The following PPP1R37 variants were observed in gnomAD, a reference collection of about 807,000 sequenced individuals.
The protein encoded by PPP1R37 is protein phosphatase 1 regulatory subunit 37, also known as leucine rich repeat containing 68.
PPP1R37 carries 21 observed loss-of-function variants against 61.0 expected under a neutral mutation model. That is an observed-to-expected ratio of 0.34 (90% CI 0.24 to 0.50). The LOEUF (loss-of-function observed/expected upper bound fraction) is 0.50. Among genes scored for constraint, PPP1R37 ranks in the 20% least tolerant of loss-of-function variants. PPP1R37 has a pLI of 0.98. For missense variants in PPP1R37, 910 were observed against 952.7 expected, an observed-to-expected ratio of 0.96 and a Z score of 0.59; for synonymous variants, 443 against 433.5, an observed-to-expected ratio of 1.02 and a Z score of -0.27.
At chr19:45,095,987 A>C (rs1216415306) in intron 1 of PPP1R37, among the ~76,000 whole-genome samples, 1 of 152,148 alleles carries the variant, frequency 6.6e-6, no homozygotes, top group Admixed American at 6.5e-5. Context: ...CGGGCTGGTT[A>C]CCTAACTCCT....
chr19:45,144,523 C>A, intron 8 of PPP1R37: 2 of 339,042 alleles, frequency 5.9e-6, no homozygotes, highest in Non-Finnish European at 1.1e-5. Context: ...TGTGCTCAAA[C>A]CCCGGGATAA....
At chr19:45,107,495 C>CATG (rs1345919661) in intron 1 of PPP1R37, among the ~76,000 whole-genome samples, 8 of 152,016 alleles carry the variant, frequency 5.3e-5, no homozygotes, top group Admixed American at 2.6e-4. Flanking sequence ...TCCCAGCTAC[C>CATG]TGGGAGGCTA....
intron 1 of PPP1R37, among the ~76,000 whole-genome samples, chr19:45,103,441 G>T (rs1319485654): frequency 6.6e-6 from 1 of 152,218 alleles, no homozygotes; most frequent in African/African-American, 2.4e-5. Context: ...GCTGGCGCTT[G>T]GGACCCGCCG....
chr19:45,133,916 G>A (rs1176548507), intron 1 of PPP1R37, among the ~76,000 whole-genome samples: 2 of 152,252 alleles, frequency 1.3e-5, no homozygotes, highest in Non-Finnish European at 2.9e-5. Context: ...TGCAGATACT[G>A]AGGAACTGGG....
At chr19:45,135,743 C>A (rs895988573) in intron 1 of PPP1R37, among the ~76,000 whole-genome samples, 9 of 148,080 alleles carry the variant, frequency 6.1e-5, no homozygotes, top group African/African-American at 2.0e-4. Context: ...GTGAATTCTT[C>A]TTATGCTTCT....
intron 11 of PPP1R37, 112 bp downstream of exon 11, chr19:45,146,161 C>T (rs1379221106): frequency 1.6e-6 from 2 of 1,220,726 alleles, no homozygotes; most frequent in Non-Finnish European, 2.2e-6. Flanking sequence ...ATGGTTCTCG[C>T]AGGGGCCAGC....
rs541247661 is a variant in PPP1R37, at chr19:45,139,432, G to A, written c.301-804G>A. Among the ~76,000 whole-genome samples the A allele has an allele frequency of 1.9e-3, 292 of 152,294 alleles. 1 individual carries two copies. Among genetic ancestry groups the A allele is most frequent in the Non-Finnish European group, 3.5e-3 (237 of 68,022 alleles). On this transcript the variant is annotated intron_variant, in intron 2 of 12. Transcript: ENST00000221462. ...GTACCTGCTGGTTTTCCATTTGGTC[G>A]CTCTCCCACCCTGCCGGTCCCCCAG...
Position 45,145,347 on chromosome 19 carries a change from C to T in PPP1R37, c.1297-6C>T. 7 of 1,533,066 alleles carry T rather than the reference C, an allele frequency of 4.6e-6. No individual in the cohort carries two copies. Among genetic ancestry groups the T allele is most frequent in the East Asian group, 2.4e-5 (1 of 40,846 alleles). The allele number at this position is 1,533,066 out of a possible 1,614,324, so 95.0% of individuals were successfully genotyped here. A position where few individuals can be genotyped will look rare whatever the true frequency, so the allele number is the denominator to read the frequency against. ...TGAGAGCCCTAGCCAGGCGCTCCCG[C>T]CACAGGTGAAGAGCTTCATCGAGAC... is the stretch of plus-strand genomic sequence containing the variant. On this transcript the variant is annotated splice_region_variant and splice_polypyrimidine_tract_variant and intron_variant, in intron 10 of 12. Transcript: ENST00000221462.
At chr19:45,143,146 T>C (rs926995435) in intron 7 of PPP1R37, 1 of 189,598 alleles carries the variant, frequency 5.3e-6, no homozygotes, top group Non-Finnish European at 1.1e-5. Flanking sequence ...CCTTGGGAGT[T>C]TGTACTCCAG....
In PPP1R37 at chr19:45,141,436, C is replaced by T. The variant is rs1291255404; in HGVS notation, c.562C>T (p.Arg188Cys). 25 of 1,535,104 alleles carry T rather than the reference C, an allele frequency of 1.6e-5. No individual in the cohort carries two copies. The highest frequency in any genetic ancestry group is 2.1e-5 in the Non-Finnish European group (24 of 1,146,588). Reference sequence around the variant, plus strand: ...CTGGCAGGCGGCCGCCCACATGATGCGCAAGGTGGGCGCCTCTCGGCTTCC... The same window carrying T: ...CTGGCAGGCGGCCGCCCACATGATGTGCAAGGTGGGCGCCTCTCGGCTTCC... ...RGWQAAAHMM[R>C]KTSCLQYLDA... The change falls in exon 5 of 13, where the codon CGC becomes TGC. Residue 188 changes from arginine (R) to cysteine (C), a missense_variant. Arg to Cys is a radical substitution (Grantham distance 180, BLOSUM62 -3). This residue lies in a region of PPP1R37 where 280 missense variants were observed against 382.2 expected (regional missense o/e 0.73). Transcript: ENST00000221462.
At position 45,145,660 on chromosome 19, in the gene PPP1R37, C is replaced by T. The variant is rs371836745; in HGVS notation, c.1604C>T (p.Thr535Met). The T allele has an allele frequency of 7.8e-5, 119 of 1,535,206 alleles. 1 individual carries two copies. The East Asian group carries it at 1.0e-3, about 13-fold the overall frequency. ...CCCTGTCCTGCCCTGGTGCCCCCCA[C>T]GGACTCCCTGGGCCCTGGGGACAGG... ...ETPCPALVPPTDSLGPGDRSP... is the reference protein window; with the variant it reads ...ETPCPALVPPMDSLGPGDRSP... The change falls in exon 11 of 13, where the codon ACG becomes ATG. Residue 535 changes from threonine (T) to methionine (M), a missense_variant. Thr to Met is a moderately conservative substitution (Grantham distance 81, BLOSUM62 -1). Coordinates refer to ENST00000221462, the MANE Select transcript of PPP1R37 (RefSeq NM_019121.2).
chr19:45,144,148 G>C (rs1968652031), intron 8 of PPP1R37: 1 of 152,560 alleles, frequency 6.6e-6, no homozygotes, highest in South Asian at 2.1e-4. Flanking sequence ...CGAGTAGTTG[G>C]AACTACAGGC....
Position 45,138,621 on chromosome 19 carries a change from G to T in PPP1R37, c.300+10G>T. 2 of 1,449,654 alleles carry T rather than the reference G, an allele frequency of 1.4e-6. No individual in the cohort carries two copies. The highest frequency in any genetic ancestry group is 2.4e-5 in the South Asian group (2 of 82,258). The allele number at this position is 1,449,654 out of a possible 1,614,324, so 89.8% of individuals were successfully genotyped here. On this transcript the variant is annotated intron_variant, in intron 2 of 12. Transcript: ENST00000221462. ...CCTCAGGCAGCTGCAGGTATGGGCGGGACAGGGTGGGTGCGTCCGGTGTGG... is the reference window on the plus strand; with the variant it reads ...CCTCAGGCAGCTGCAGGTATGGGCGTGACAGGGTGGGTGCGTCCGGTGTGG...
intron 2 of PPP1R37, among the ~76,000 whole-genome samples, chr19:45,139,018 A>G (rs1021243253): frequency 1.4e-5 from 2 of 142,174 alleles, no homozygotes; most frequent in Admixed American, 1.5e-4. Flanking sequence ...GGTTCAAGCG[A>G]TTCTCCTGCC....
chr19:45,129,698 C>T (rs1968452267), intron 1 of PPP1R37, among the ~76,000 whole-genome samples: 1 of 152,172 alleles, frequency 6.6e-6, no homozygotes, highest in African/African-American at 2.4e-5. Context: ...CCCCTGTTCC[C>T]CATGGTCCTA....
chr19:45,119,364 A>G (rs10421085), intron 1 of PPP1R37, among the ~76,000 whole-genome samples: 5,189 of 152,128 alleles, frequency 0.034, 301 homozygotes, highest in African/African-American at 0.12. Context: ...TGTTGGCCCG[A>G]CTGGTGTCGA....
intron 1 of PPP1R37, among the ~76,000 whole-genome samples, chr19:45,133,329 C>T (rs1263317203): frequency 6.6e-6 from 1 of 152,188 alleles, no homozygotes; most frequent in Non-Finnish European, 1.5e-5. Context: ...GATGATCTGC[C>T]CTCCTCAGCC....
At position 45,130,418 on chromosome 19, in the gene PPP1R37, C is replaced by G. The variant is rs1216330379; in HGVS notation, c.203-8096C>G. ...TCACCGTCCCACATCATCCCCAGTG[C>G]TCCCCTCCCGGTGTGCTTTGGCGCC... On this transcript the variant is annotated intron_variant, in intron 1 of 12. Transcript: ENST00000221462. The surrounding 1 kb of genome is among the most constrained non-coding windows in gnomAD (Gnocchi z 4.4). Among the ~76,000 whole-genome samples, 1 of 152,192 alleles carries G rather than the reference C, an allele frequency of 6.6e-6. No individual in the cohort carries two copies. Among genetic ancestry groups the G allele is most frequent in the Admixed American group, 6.5e-5 (1 of 15,286 alleles).
chr19:45,121,988 C>T lies in PPP1R37; in HGVS notation c.203-16526C>T, dbSNP rs1968347742. Among the ~76,000 whole-genome samples the T allele has an allele frequency of 6.6e-6, 1 of 152,292 alleles. No individual in the cohort carries two copies. Among genetic ancestry groups the T allele is most frequent in the East Asian group, 1.9e-4 (1 of 5,184 alleles). On this transcript the variant is annotated intron_variant, in intron 1 of 12. Coordinates refer to ENST00000221462, the MANE Select transcript of PPP1R37 (RefSeq NM_019121.2). The surrounding 1 kb of genome is among the most constrained non-coding windows in gnomAD (Gnocchi z 4.2). ...GTTTTGCAGGGATAGAGACGTGCAG[C>T]AGCACATCCGCAGAGGTAGCGAGGC... is the stretch of plus-strand genomic sequence containing the variant.
Sources: allele counts gnomAD v4.1 joint callset (sites outside exome capture counted in the v4.1 genomes callset), GRCh38; gene constraint gnomAD v4.1.1; regional missense constraint gnomAD v4.1.1; non-coding constraint Gnocchi (gnomAD v3.1); transcripts MANE v1.5; gene names NCBI Gene and HGNC (gene_info 2026-07-23, HGNC 2026-07-21).